TMEM117: variants seen among roughly 807,000 people sequenced by gnomAD.
The protein encoded by TMEM117 is transmembrane protein 117.
TMEM117 carries 27 observed loss-of-function variants against 52.4 expected under a neutral mutation model. That is an observed-to-expected ratio of 0.51 (90% CI 0.38 to 0.71). The LOEUF is 0.71. TMEM117 is among the 30% of genes least tolerant of loss of function. TMEM117 has a pLI of 0.00. For synonymous variants in TMEM117, 215 were observed against 206.3 expected, an observed-to-expected ratio of 1.04 and a Z score of -0.36; for missense variants, 556 against 630.5, an observed-to-expected ratio of 0.88 and a Z score of 1.26.
chr12:44,091,594 G>A (rs1448227160), intron 3 of TMEM117, among the ~76,000 whole-genome samples: 1 of 152,152 alleles, frequency 6.6e-6, no homozygotes, highest in Non-Finnish European at 1.5e-5. Flanking sequence ...AAAATGTAAA[G>A]TTTGACAGTG....
Position 44,360,589 on chromosome 12 carries a change from AT to A in TMEM117, c.769-16004del, listed in dbSNP as rs1951708578. On this transcript the variant is annotated intron_variant, in intron 6 of 7. Transcript: ENST00000266534. ...CTCAAAAAAAAAAAAAAAGTCAAAGATTAAAAATACTGGCTTTTAAAAACAT... is the reference window on the plus strand; with the variant it reads ...CTCAAAAAAAAAAAAAAAGTCAAAGATAAAAATACTGGCTTTTAAAAACAT... Among the ~76,000 whole-genome samples the A allele has an allele frequency of 5.3e-5, 8 of 152,130 alleles. No individual in the cohort carries two copies. The South Asian group carries it at 1.7e-3, about 32-fold the overall frequency.
chr12:44,374,394 C>A lies in TMEM117; in HGVS notation c.769-2201C>A, dbSNP rs371018353. Among the ~76,000 whole-genome samples, 7 of 152,206 alleles carry A rather than the reference C, an allele frequency of 4.6e-5. No individual in the cohort carries two copies. The East Asian group carries it at 9.7e-4, about 21-fold the overall frequency. The stretch of plus-strand genomic sequence containing the variant: ...AGTCATCATCTATTTTATTTATCTT[C>A]TTTTAAAAAATTCTTACATGGCACC... On this transcript the variant is annotated intron_variant, in intron 6 of 7. Coordinates refer to ENST00000266534, the MANE Select transcript of TMEM117 (RefSeq NM_032256.3).
rs138530097 is a variant in TMEM117, at chr12:44,071,989, A to G, written c.411-71536A>G. ...TTTTCTGCAAATGACATTTCAAGAA[A>G]TATTGCTTTAAATTGAAATTTAATA... On this transcript the variant is annotated intron_variant, in intron 3 of 7. Transcript: ENST00000266534. Among the ~76,000 whole-genome samples, 1,169 of 152,330 alleles carry G rather than the reference A, an allele frequency of 7.7e-3. 9 individuals are homozygous for G. The highest frequency in any genetic ancestry group is 0.027 in the African/African-American group (1,112 of 41,564).
chr12:43,877,279 A>G (rs1943814161), intron 2 of TMEM117, among the ~76,000 whole-genome samples: 1 of 152,188 alleles, frequency 6.6e-6, no homozygotes, highest in Non-Finnish European at 1.5e-5. Flanking sequence ...AGAAATATAA[A>G]TTTTTGAAAA....
chr12:44,237,192 G>C (rs1352778642), intron 5 of TMEM117, among the ~76,000 whole-genome samples: 1 of 152,060 alleles, frequency 6.6e-6, no homozygotes, highest in Non-Finnish European at 1.5e-5. Context: ...TGAAGCAGAA[G>C]TTTCAAGATA....
chr12:43,974,357 G>T (rs1317053840), intron 3 of TMEM117, among the ~76,000 whole-genome samples: 1 of 151,976 alleles, frequency 6.6e-6, no homozygotes, highest in Non-Finnish European at 1.5e-5. Flanking sequence ...TTTAAAATCT[G>T]ACTTTATTCA....
chr12:43,950,388 G>T (rs1380900655), intron 3 of TMEM117, among the ~76,000 whole-genome samples: 1 of 151,986 alleles, frequency 6.6e-6, no homozygotes, highest in African/African-American at 2.4e-5. Context: ...GGAACAAAAT[G>T]ACTTTAAACA....
the TMEM117 span, among the ~76,000 whole-genome samples, chr12:43,829,767 T>C: frequency 6.6e-6 from 1 of 151,980 alleles, no homozygotes; most frequent in Non-Finnish European, 1.5e-5. Flanking sequence ...GGAGTGAGCA[T>C]GGGGCAGAGG....
intron 2 of TMEM117, among the ~76,000 whole-genome samples, chr12:43,891,613 G>A (rs1478738740): frequency 1.3e-5 from 2 of 151,518 alleles, no homozygotes; most frequent in Non-Finnish European, 2.9e-5. Flanking sequence ...TGATCCACCC[G>A]CCTTGGCCTC....
chr12:43,884,141 A>G (rs1943947781), intron 2 of TMEM117, among the ~76,000 whole-genome samples: 1 of 151,874 alleles, frequency 6.6e-6, no homozygotes, highest in African/African-American at 2.4e-5. Flanking sequence ...CTCAAAAAAA[A>G]AAAAAAAAGA....
rs539531926 is a variant in TMEM117 at position 44,246,560 on chromosome 12, T to C, written c.608+35173T>C. Among the ~76,000 whole-genome samples, 38 of 152,338 alleles carry C rather than the reference T, an allele frequency of 2.5e-4. No individual in the cohort carries two copies. In the Middle Eastern group the frequency reaches 0.01, roughly 41 times the overall value. On this transcript the variant is annotated intron_variant, in intron 5 of 7. Transcript: ENST00000266534. ...ATTTAGACATGCCACTTTCTCCTGC[T>C]ACAAGGAATTTAAGTGACAGCAATA...
At chr12:44,013,405 G>C (rs1252087829) in intron 3 of TMEM117, among the ~76,000 whole-genome samples, 1 of 152,170 alleles carries the variant, frequency 6.6e-6, no homozygotes, top group Admixed American at 6.5e-5. Flanking sequence ...CCCAACTTAG[G>C]CTGGATATGA....
chr12:44,067,497 A>T (rs939979566), intron 3 of TMEM117, among the ~76,000 whole-genome samples: 1 of 152,214 alleles, frequency 6.6e-6, no homozygotes, highest in Non-Finnish European at 1.5e-5. Context: ...GTTGATAGGC[A>T]TGAAAATCTC....
intron 5 of TMEM117, among the ~76,000 whole-genome samples, chr12:44,294,609 G>A: frequency 6.6e-6 from 1 of 151,870 alleles, no homozygotes; most frequent in East Asian, 1.9e-4. Context: ...CCACTTGATG[G>A]CTTCTCTTTG....
chr12:44,251,510 A>G (rs1166629571), intron 5 of TMEM117, among the ~76,000 whole-genome samples: 6 of 152,220 alleles, frequency 3.9e-5, no homozygotes, highest in Non-Finnish European at 8.8e-5. Flanking sequence ...CATCTGTGAT[A>G]GTAACATGAG....
intron 3 of TMEM117, among the ~76,000 whole-genome samples, chr12:44,104,584 T>A (rs1468662390): frequency 6.6e-6 from 1 of 152,010 alleles, no homozygotes; most frequent in Non-Finnish European, 1.5e-5. Flanking sequence ...ACTTTTCCTT[T>A]ATGTGGCTCT....
intron 2 of TMEM117, among the ~76,000 whole-genome samples, chr12:43,928,838 T>C (rs1944825596): frequency 6.6e-6 from 1 of 150,722 alleles, no homozygotes; most frequent in Admixed American, 6.6e-5. Flanking sequence ...AGTGAGAATA[T>C]GCGGTGTTTG....
intron 2 of TMEM117, among the ~76,000 whole-genome samples, chr12:43,941,336 C>T (rs1461583826): frequency 6.6e-6 from 1 of 152,142 alleles, no homozygotes; most frequent in Non-Finnish European, 1.5e-5. Flanking sequence ...GACCTATAGA[C>T]CTGTAGGAAA....
the TMEM117 span, chr12:43,804,539 G>C: frequency 6.2e-7 from 1 of 1,602,602 alleles, no homozygotes. Flanking sequence ...TCCATTTCTG[G>C]CTCTGGCAAA....
Sources: gnomAD v4.1 joint callset for allele counts (sites outside exome capture counted in the v4.1 genomes callset) on GRCh38, gnomAD v4.1.1 for gene constraint, MANE v1.5 for transcripts, NCBI Gene and HGNC (gene_info 2026-07-23, HGNC 2026-07-21) for gene names.